DNAJB6: variants seen among roughly 807,000 people sequenced by gnomAD.
DNAJB6 encodes DnaJ heat shock protein family (Hsp40) member B6.
DNAJB6 carries 16 observed loss-of-function variants against 42.7 expected under a neutral mutation model. That is an observed-to-expected ratio of 0.37 (90% CI 0.25 to 0.57). DNAJB6 has a LOEUF of 0.57. DNAJB6 is among the 20% of genes least tolerant of loss of function. DNAJB6 has a pLI of 0.74. For synonymous variants in DNAJB6, 170 were observed against 163.5 expected (o/e 1.04, Z -0.30); for missense variants, 347 against 416.8 (o/e 0.83, Z 1.46).
intron 8 of DNAJB6, chr7:157,386,270 A>G (rs1295868349): frequency 3.3e-5 from 33 of 985,098 alleles, no homozygotes; most frequent in East Asian, 1.1e-4. Context: ...TAAAAAAAAA[A>G]AAAAAGAAAA....
At chr7:157,403,680 G>A (rs1004314368) in intron 8 of DNAJB6, among the ~76,000 whole-genome samples, 1 of 152,134 alleles carries the variant, frequency 6.6e-6, no homozygotes, top group South Asian at 2.1e-4. Flanking sequence ...AGGTGTGCCC[G>A]ATGCAGTTCC....
At chr7:157,402,166 G>T (rs1347221465) in intron 8 of DNAJB6, among the ~76,000 whole-genome samples, 2 of 152,162 alleles carry the variant, frequency 1.3e-5, no homozygotes, top group Non-Finnish European at 1.5e-5. Context: ...TCCCTATGTT[G>T]CCCAGGCTGG....
intron 1 of DNAJB6, chr7:157,337,544 C>T (rs983367816): frequency 5.9e-5 from 9 of 152,360 alleles, no homozygotes; most frequent in African/African-American, 1.9e-4. Flanking sequence ...GGCTCCCGCA[C>T]TCGCGTCTGA....
chr7:157,405,484 A>G (rs1353778325), intron 8 of DNAJB6, among the ~76,000 whole-genome samples: 8 of 152,088 alleles, frequency 5.3e-5, no homozygotes, highest in Admixed American at 5.2e-4. Context: ...TGGGAGGCGA[A>G]TGGGCCAGGG....
intron 5 of DNAJB6, among the ~76,000 whole-genome samples, chr7:157,370,181 C>CGGGCCCCTTCTT: frequency 1.4e-5 from 2 of 144,724 alleles, no homozygotes; most frequent in South Asian, 2.2e-4. Context: ...TATTATTAAA[C>CGGGCCCCTTCTT]AGGCCCCTTC....
intron 5 of DNAJB6, among the ~76,000 whole-genome samples, chr7:157,376,622 T>C (rs1458734776): frequency 6.6e-6 from 1 of 152,196 alleles, no homozygotes; most frequent in Non-Finnish European, 1.5e-5. Flanking sequence ...GATCATAACC[T>C]GTAATCCCTG....
rs1453581447 is a variant in DNAJB6 at position 157,337,020 on chromosome 7, A to C, written c.-151A>C. 1 of 150,568 alleles carries C rather than the reference A, an allele frequency of 6.6e-6. No individual in the cohort carries two copies. The highest frequency in any genetic ancestry group is 1.5e-5 in the Non-Finnish European group (1 of 67,024). The allele number at this position is 150,568 out of a possible 1,614,324, so 9.3% of individuals were successfully genotyped here. ...ACGCATTTCCTGTTTGTTGTTGGAG[A>C]AAGGAGAGAAAGGAAAGCGCGAGGA... On this transcript the variant is annotated 5_prime_UTR_variant, in exon 1 of 10. Coordinates refer to ENST00000262177, the MANE Select transcript of DNAJB6 (RefSeq NM_058246.4).
At chr7:157,356,627 G>C (rs1331045320) in intron 1 of DNAJB6, among the ~76,000 whole-genome samples, 1 of 152,094 alleles carries the variant, frequency 6.6e-6, no homozygotes, top group Non-Finnish European at 1.5e-5. Flanking sequence ...CTGTGCAGTG[G>C]TATACCCTTA....
intron 9 of DNAJB6, chr7:157,415,540 C>G (rs1041787209): frequency 1.2e-5 from 2 of 173,374 alleles, no homozygotes; most frequent in African/African-American, 2.4e-5. Flanking sequence ...GTGGGCACAC[C>G]TTTGCGCAGG....
In DNAJB6 at chr7:157,359,039, T is replaced by A. The variant is rs142988172; in HGVS notation, c.65+402T>A. 8.4e-3 allele frequency among the ~76,000 whole-genome samples: 1,282 copies of A among 152,274 alleles called. 6 individuals are homozygous for A. Among genetic ancestry groups the A allele is most frequent in the South Asian group, 0.038 (183 of 4,830 alleles). On this transcript the variant is annotated intron_variant, in intron 2 of 9. Coordinates refer to ENST00000262177, the MANE Select transcript of DNAJB6 (RefSeq NM_058246.4). ...CTATGCCACTGGAGTCCCTTCTGAT[T>A]CATATGAAAGTTCGAGAACTGCAGC...
At position 157,366,452 on chromosome 7, in the gene DNAJB6, T is replaced by C. The variant is rs73744698; in HGVS notation, c.176-50T>C. The C allele has an allele frequency of 1.2e-3, 1,774 of 1,523,438 alleles. 20 individuals carry two copies. In the African/African-American group the frequency reaches 0.022, roughly 19 times the overall value. 94.4% of individuals were successfully genotyped at this position (1,523,438 alleles called of 1,614,324 possible). ...TGGGGAAATACCTTATCTATTGAAT[T>C]AAGGGTTTAAAAGGAACTTGGCCTT... On this transcript the variant is annotated intron_variant, in intron 3 of 9. Transcript: ENST00000262177.
At chr7:157,369,843 A>G (rs769091437) in intron 5 of DNAJB6, among the ~76,000 whole-genome samples, 4 of 148,114 alleles carry the variant, frequency 2.7e-5, no homozygotes, top group Non-Finnish European at 5.9e-5. Flanking sequence ...TCATAACGTT[A>G]TTATTAAACG....
At chr7:157,375,867 C>G (rs1350608698) in intron 5 of DNAJB6, among the ~76,000 whole-genome samples, 1 of 152,182 alleles carries the variant, frequency 6.6e-6, no homozygotes, top group African/African-American at 2.4e-5. Context: ...AGCTTTGGAA[C>G]TTGAGGAGAG....
At chr7:157,406,843 C>A (rs1489123358) in intron 8 of DNAJB6, among the ~76,000 whole-genome samples, 1 of 152,246 alleles carries the variant, frequency 6.6e-6, no homozygotes, top group African/African-American at 2.4e-5. Flanking sequence ...TCAGCGGGGC[C>A]TTTTTCTAAA....
At chr7:157,373,444 A>G (rs775074852) in intron 5 of DNAJB6, among the ~76,000 whole-genome samples, 2 of 152,120 alleles carry the variant, frequency 1.3e-5, no homozygotes, top group Non-Finnish European at 2.9e-5. Flanking sequence ...TCCGCCTCCC[A>G]GGTTCAAGTG....
At chr7:157,399,193 TC>T (rs1801732205) in intron 8 of DNAJB6, among the ~76,000 whole-genome samples, 1 of 152,160 alleles carries the variant, frequency 6.6e-6, no homozygotes, top group African/African-American at 2.4e-5. Context: ...CTTGCACGAG[TC>T]AGGCTGCTTG....
chr7:157,341,256 C>T (rs2116846995), intron 1 of DNAJB6, among the ~76,000 whole-genome samples: 1 of 152,174 alleles, frequency 6.6e-6, no homozygotes, highest in South Asian at 2.1e-4. Flanking sequence ...TCCCGAGTAG[C>T]TGTGATTACA....
intron 1 of DNAJB6, among the ~76,000 whole-genome samples, chr7:157,349,834 G>A (rs1247154220): frequency 6.6e-6 from 1 of 152,050 alleles, no homozygotes; most frequent in Non-Finnish European, 1.5e-5. Flanking sequence ...TAGTAGAGAC[G>A]GTTTCGTCAT....
chr7:157,373,467 C>T (rs1800319280), intron 5 of DNAJB6, among the ~76,000 whole-genome samples: 1 of 152,212 alleles, frequency 6.6e-6, no homozygotes, highest in Non-Finnish European at 1.5e-5. Flanking sequence ...TCTCTTGCCT[C>T]AGCCTCCCAA....
Sources: gnomAD v4.1 joint callset for allele counts (sites outside exome capture counted in the v4.1 genomes callset) on GRCh38, gnomAD v4.1.1 for gene constraint, MANE v1.5 for transcripts, NCBI Gene and HGNC (gene_info 2026-07-23, HGNC 2026-07-21) for gene names.